The following BICC1 variants were observed in gnomAD, a reference collection of about 807,000 sequenced individuals.
BICC1 encodes the protein protein bicaudal C homolog 1.
Under a neutral mutation model 111.0 loss-of-function variants are expected in BICC1, and 43 were observed. The ratio of observed to expected loss-of-function variants is 0.39; its 90% CI spans 0.30 to 0.50. The LOEUF (loss-of-function observed/expected upper bound fraction) is 0.50. BICC1 is among the 20% of genes least tolerant of loss of function. BICC1 has a pLI of 0.88. For missense variants in BICC1, 1,091 were observed against 1,203.2 expected (o/e 0.91, Z 1.38); for synonymous variants, 467 against 434.4 (o/e 1.07, Z -0.93).
At chr10:58,600,165 A>C (rs1218895389) in intron 1 of BICC1, among the ~76,000 whole-genome samples, 1 of 152,054 alleles carries the variant, frequency 6.6e-6, no homozygotes, top group African/African-American at 2.4e-5. Context: ...ATACAGCAGC[A>C]CTGTTTTGAG....
rs1564619979 is a variant in BICC1 at position 58,798,417 on chromosome 10, C to A, written c.1385C>A (p.Thr462Asn). The change falls in exon 11 of 21, where the codon ACC (threonine) becomes AAC (asparagine). Residue 462 changes from threonine (T) to asparagine (N), a missense_variant. Thr to Asn is a moderately conservative substitution (Grantham distance 65). Transcript: ENST00000373886. Reference sequence around the variant, plus strand: ...ATTACAGGTCTTTTGGGACCCACCACCTTATCTCTGAACACTTCAACAACC... The same window carrying A: ...ATTACAGGTCTTTTGGGACCCACCAACTTATCTCTGAACACTTCAACAACC... ...LTGLGLLGPT[T>N]LSLNTSTTPN... The A allele has an allele frequency of 3.1e-6, 5 of 1,594,854 alleles. No individual in the cohort carries two copies. Among genetic ancestry groups the A allele is most frequent in the African/African-American group, 2.7e-5 (2 of 73,710 alleles).
intron 3 of BICC1, among the ~76,000 whole-genome samples, chr10:58,722,736 AATAG>A (rs1264195108): frequency 6.6e-6 from 1 of 152,230 alleles, no homozygotes; most frequent in African/African-American, 2.4e-5. Flanking sequence ...AGAAGATGGT[AATAG>A]ATAGGGTAGT....
At chr10:58,820,207 A>G (rs745593806) in intron 19 of BICC1, among the ~76,000 whole-genome samples, 162 bp from the exon 20 acceptor site, 2 of 151,806 alleles carry the variant, frequency 1.3e-5, no homozygotes, top group African/African-American at 2.4e-5. Context: ...CCATTTCACC[A>G]CCTTTCTTAA....
rs777742143 is a variant in BICC1 at position 58,800,991 on chromosome 10, T to C, written c.1960T>C (p.Cys654Arg). 2 of 1,612,758 alleles carry C rather than the reference T, an allele frequency of 1.2e-6. No individual in the cohort carries two copies. The highest frequency in any genetic ancestry group is 1.7e-6 in the Non-Finnish European group (2 of 1,179,350). ...KQMMCPSKVS[C>R]AKRQTVELLQ... ...GATGATGTGTCCCTCCAAGGTTTCCTGTGCCAAAAGGCAGACAGTGGAACT... is the reference window on the plus strand; with the variant it reads ...GATGATGTGTCCCTCCAAGGTTTCCCGTGCCAAAAGGCAGACAGTGGAACT... The change falls in exon 14 of 21, where the codon TGT becomes CGT. Residue 654 changes from cysteine (C) to arginine (R), a missense_variant. Physicochemically the swap from Cys to Arg is radical, Grantham distance 180. Around this residue, in one of 3 missense-constraint regions of BICC1, gnomAD observed 843 missense variants for 900.8 expected, o/e 0.94. Transcript: ENST00000373886.
intron 1 of BICC1, among the ~76,000 whole-genome samples, chr10:58,613,831 A>G (rs1204509949): frequency 1.3e-5 from 2 of 152,178 alleles, no homozygotes; most frequent in African/African-American, 4.8e-5. Context: ...AATATTTTAC[A>G]GGTTGGGGTT....
intron 1 of BICC1, among the ~76,000 whole-genome samples, chr10:58,586,132 A>G (rs1212429140): frequency 6.6e-6 from 1 of 152,216 alleles, no homozygotes; most frequent in African/African-American, 2.4e-5. Flanking sequence ...CGTGAGGACT[A>G]AATCCATTCT....
chr10:58,686,696 G>C (rs1292915400), intron 2 of BICC1, among the ~76,000 whole-genome samples: 1 of 152,060 alleles, frequency 6.6e-6, no homozygotes, highest in East Asian at 1.9e-4. Flanking sequence ...TGTAGTTCTT[G>C]TGCCATGGTT....
intron 1 of BICC1, among the ~76,000 whole-genome samples, chr10:58,568,536 A>C (rs529673366): frequency 6.6e-6 from 1 of 152,270 alleles, no homozygotes; most frequent in Admixed American, 6.5e-5. Context: ...CCTTCTGGCA[A>C]GAATGAAAGG....
chr10:58,780,162 A>G (rs1842846910), intron 3 of BICC1, among the ~76,000 whole-genome samples: 1 of 152,200 alleles, frequency 6.6e-6, no homozygotes, highest in African/African-American at 2.4e-5. Flanking sequence ...CAAACGTGAA[A>G]GAGCTCCACG....
At chr10:58,622,647 T>C (rs979861512) in intron 2 of BICC1, among the ~76,000 whole-genome samples, 1 of 152,180 alleles carries the variant, frequency 6.6e-6, no homozygotes, top group Non-Finnish European at 1.5e-5. Context: ...TAGGTGTCCG[T>C]ATAGGATTTG....
chr10:58,717,619 A>G (rs1477297240), intron 3 of BICC1, among the ~76,000 whole-genome samples: 1 of 152,210 alleles, frequency 6.6e-6, no homozygotes, highest in East Asian at 1.9e-4. Flanking sequence ...CATTGCATGT[A>G]TATGTAGGAT....
Position 58,788,390 on chromosome 10 carries a change from A to G in BICC1, c.567A>G (p.Pro189=), listed in dbSNP as rs752904680. 6.2e-7 allele frequency: 1 copy of G among 1,611,520 alleles called. No individual in the cohort carries two copies. Among genetic ancestry groups the G allele is most frequent in the Non-Finnish European group, 8.5e-7 (1 of 1,177,756 alleles). The change falls in exon 6 of 21, where the codon CCA becomes CCG. Residue 189 remains proline, a synonymous_variant. Coordinates refer to ENST00000373886, the MANE Select transcript of BICC1 (RefSeq NM_001080512.3). ...KSNQVSIAGQ[P]AGVESARVRI... ...TATAGGTATCTATAGCGGGACAACC[A>G]GCAGGAGTAGAATCTGCCCGAGTTA...
At chr10:58,746,447 G>A (rs935178644) in intron 3 of BICC1, among the ~76,000 whole-genome samples, 1 of 152,120 alleles carries the variant, frequency 6.6e-6, no homozygotes, top group Non-Finnish European at 1.5e-5. Flanking sequence ...TGCCAAAGAG[G>A]ACAGGGGTAA....
At chr10:58,747,813 T>TTCACA (rs1189358750) in intron 3 of BICC1, among the ~76,000 whole-genome samples, 1 of 152,134 alleles carries the variant, frequency 6.6e-6, no homozygotes, top group Admixed American at 6.6e-5. Flanking sequence ...CATCAGGGAT[T>TTCACA]GGCAAACCAC....
chr10:58,680,906 A>C (rs1319533366), intron 2 of BICC1, among the ~76,000 whole-genome samples: 5 of 152,268 alleles, frequency 3.3e-5, no homozygotes, highest in African/African-American at 1.2e-4. Context: ...AAACCTGACA[A>C]AAACAAGCAA....
At chr10:58,750,362 T>G (rs1239757084) in intron 3 of BICC1, among the ~76,000 whole-genome samples, 1 of 152,000 alleles carries the variant, frequency 6.6e-6, no homozygotes, top group African/African-American at 2.4e-5. Context: ...TTTCATCAAA[T>G]CTAAAATGCC....
intron 1 of BICC1, among the ~76,000 whole-genome samples, chr10:58,587,379 A>G (rs773904410): frequency 2.0e-5 from 3 of 152,198 alleles, no homozygotes; most frequent in Non-Finnish European, 4.4e-5. Flanking sequence ...TGGAAAGCCT[A>G]TGGCCCAGAT....
intron 1 of BICC1, among the ~76,000 whole-genome samples, chr10:58,599,741 A>C (rs1306193850): frequency 6.6e-6 from 1 of 152,096 alleles, no homozygotes; most frequent in Admixed American, 6.6e-5. Flanking sequence ...GTACCAGATC[A>C]GTGTGGATTA....
chr10:58,512,870 T>C (rs1842127404), upstream of BICC1, among the ~76,000 whole-genome samples: 1 of 147,594 alleles, frequency 6.8e-6, no homozygotes, highest in Non-Finnish European at 1.5e-5. Context: ...CGCGGCGCGC[T>C]CATTCCGCGC....
Sources: allele counts gnomAD v4.1 joint callset (sites outside exome capture counted in the v4.1 genomes callset), GRCh38; gene constraint gnomAD v4.1.1; regional missense constraint gnomAD v4.1.1; transcripts MANE v1.5; gene names NCBI Gene and HGNC (gene_info 2026-07-23, HGNC 2026-07-21).